Variants in LSAMP observed in about 807,000 individuals in gnomAD.
LSAMP encodes the protein limbic system associated membrane protein, also known as limbic system-associated membrane protein.
In LSAMP, 7 loss-of-function variants were observed where a neutral mutation model predicts 38.6. That is an observed-to-expected ratio of 0.18 (90% confidence interval 0.10 to 0.34). The LOEUF is 0.34. Among genes scored for constraint, LSAMP ranks in the 10% least tolerant of loss-of-function variants. The pLI, the probability that LSAMP is intolerant of heterozygous loss-of-function variation, is 1.00. For missense variants in LSAMP, 313 were observed against 420.0 expected, an observed-to-expected ratio of 0.75 and a Z score of 2.23; for synonymous variants, 154 against 166.8, an observed-to-expected ratio of 0.92 and a Z score of 0.59.
chr3:116,328,872 T>G (rs2047811875), intron 1 of LSAMP, among the ~76,000 whole-genome samples: 1 of 152,158 alleles, frequency 6.6e-6, no homozygotes, highest in African/African-American at 2.4e-5. Flanking sequence ...GTATTCTTAT[T>G]TAAAATTAAA....
intron 1 of LSAMP, among the ~76,000 whole-genome samples, chr3:116,160,431 G>A (rs1161908738): frequency 1.4e-5 from 2 of 147,064 alleles, no homozygotes; most frequent in African/African-American, 2.5e-5. Flanking sequence ...AGGGAGGGAG[G>A]GAGAAAGGAA....
intron 3 of LSAMP, among the ~76,000 whole-genome samples, chr3:115,916,645 C>G (rs945933682): frequency 1.3e-5 from 2 of 152,044 alleles, no homozygotes; most frequent in African/African-American, 4.8e-5. Context: ...GTATTGTAGC[C>G]TATAGGAACT....
At chr3:116,163,133 G>T (rs1709939747) in intron 1 of LSAMP, among the ~76,000 whole-genome samples, 1 of 151,272 alleles carries the variant, frequency 6.6e-6, no homozygotes, top group South Asian at 2.1e-4. Context: ...GTGCAGGTTT[G>T]TTACATATGT....
chr3:116,209,898 C>T (rs2046131705), intron 1 of LSAMP, among the ~76,000 whole-genome samples: 2 of 152,026 alleles, frequency 1.3e-5, no homozygotes, highest in South Asian at 4.1e-4. Flanking sequence ...CTACAGGCAT[C>T]CGCCACCTCG....
chr3:116,181,794 G>A (rs1210141001), intron 1 of LSAMP, among the ~76,000 whole-genome samples: 1 of 151,848 alleles, frequency 6.6e-6, no homozygotes, highest in African/African-American at 2.4e-5. Context: ...CCAATCAGAT[G>A]TCTACGCATC....
At position 116,434,622 on chromosome 3, in the gene LSAMP, C is replaced by T. The variant is rs910175282; in HGVS notation, c.155+10255G>A. ...AGACTGGAGTGCAGTGGCGCGATCTCGGCTCACTGAAACTCTGCCTCCCAG... is the reference window on the plus strand; with the variant it reads ...AGACTGGAGTGCAGTGGCGCGATCTTGGCTCACTGAAACTCTGCCTCCCAG... On this transcript the variant is annotated intron_variant, in intron 1 of 6. Transcript: ENST00000490035. Among the ~76,000 whole-genome samples the T allele has an allele frequency of 7.9e-5, 12 of 152,216 alleles. 1 individual carries two copies. In the East Asian group the frequency reaches 9.7e-4, roughly 12 times the overall value.
At chr3:116,273,464 G>A (rs1048132336) in intron 1 of LSAMP, among the ~76,000 whole-genome samples, 1 of 141,812 alleles carries the variant, frequency 7.1e-6, no homozygotes, top group African/African-American at 2.5e-5. Flanking sequence ...ATACTTCTGG[G>A]TTTGTAGTCT....
At position 116,445,202 on chromosome 3, in the gene LSAMP, T is replaced by G. The variant is rs2049495208; in HGVS notation, c.-171A>C. 1.6e-6 allele frequency: 1 copy of G among 630,490 alleles called. No homozygotes were observed. Among genetic ancestry groups the G allele is most frequent in the South Asian group, 1.9e-5 (1 of 51,970 alleles). The allele number at this position is 630,490 out of a possible 1,614,324, so 39.1% of individuals were successfully genotyped here. ...TCTCTTTCCCTCGCTCAGTCTCTTTTCCCTCTAAGACTTAACAAAGCCCTC... is the reference window on the plus strand; with the variant it reads ...TCTCTTTCCCTCGCTCAGTCTCTTTGCCCTCTAAGACTTAACAAAGCCCTC... On this transcript the variant is annotated 5_prime_UTR_variant, in exon 1 of 7. Coordinates refer to ENST00000490035, the MANE Select transcript of LSAMP (RefSeq NM_002338.5).
At chr3:116,089,335 T>C (rs1351412734) in intron 1 of LSAMP, among the ~76,000 whole-genome samples, 1 of 152,206 alleles carries the variant, frequency 6.6e-6, no homozygotes, top group Non-Finnish European at 1.5e-5. Flanking sequence ...GAATAGTATA[T>C]TAGAATACAC....
intron 1 of LSAMP, among the ~76,000 whole-genome samples, chr3:116,125,339 GTTA>G (rs994776110): frequency 3.5e-4 from 52 of 149,780 alleles, no homozygotes; most frequent in African/African-American, 1.1e-3. Context: ...CCCTTGCATA[GTTA>G]TTATTATTCA....
chr3:116,060,222 A>C (rs1941569530), intron 2 of LSAMP, among the ~76,000 whole-genome samples: 1 of 137,776 alleles, frequency 7.3e-6, no homozygotes, highest in African/African-American at 3.2e-5. Context: ...TACTAGCAGC[A>C]TTGTAAAGGT....
At chr3:116,140,723 C>A (rs192507880) in intron 1 of LSAMP, among the ~76,000 whole-genome samples, 2 of 152,066 alleles carry the variant, frequency 1.3e-5, no homozygotes, top group Non-Finnish European at 1.5e-5. Context: ...ATTCACGAAG[C>A]TTTATCCACA....
chr3:116,163,065 C>CT lies in LSAMP; in HGVS notation c.156-76510dup, dbSNP rs1383881468. Reference sequence around the variant, plus strand: ...AAATAATTTTAAAAATGAAGAAGATCTTTTTTTTTAAATTTTATTATTATT... The same window carrying CT: ...AAATAATTTTAAAAATGAAGAAGATCTTTTTTTTTTAAATTTTATTATTATT... On this transcript the variant is annotated intron_variant, in intron 1 of 6. Transcript: ENST00000490035. 1.9e-3 allele frequency among the ~76,000 whole-genome samples: 289 copies of CT among 150,934 alleles called. 1 individual carries two copies. The highest frequency in any genetic ancestry group is 6.3e-3 in the African/African-American group (259 of 41,160).
intron 1 of LSAMP, among the ~76,000 whole-genome samples, chr3:116,336,964 A>G (rs376894214): frequency 2.0e-5 from 3 of 151,540 alleles, no homozygotes; most frequent in South Asian, 2.1e-4. Flanking sequence ...ACATATATAT[A>G]TGTGTGTGTG....
chr3:116,131,121 A>G (rs557595758), intron 1 of LSAMP, among the ~76,000 whole-genome samples: 79 of 151,424 alleles, frequency 5.2e-4, no homozygotes, highest in African/African-American at 1.9e-3. Flanking sequence ...CTCCCAAGTA[A>G]CTGGGACTAC....
At chr3:116,315,457 A>G (rs933016995) in intron 1 of LSAMP, among the ~76,000 whole-genome samples, 2 of 151,452 alleles carry the variant, frequency 1.3e-5, no homozygotes, top group Non-Finnish European at 2.9e-5. Context: ...AGTTAAATGG[A>G]AAAAAAAAGC....
intron 2 of LSAMP, among the ~76,000 whole-genome samples, chr3:116,083,023 T>C (rs529955022): frequency 6.6e-6 from 1 of 152,080 alleles, no homozygotes; most frequent in Non-Finnish European, 1.5e-5. Context: ...CCTAAAATAA[T>C]TTTTTTAAAA....
At chr3:115,880,323 T>A (rs1025960919) in intron 3 of LSAMP, among the ~76,000 whole-genome samples, 1 of 152,192 alleles carries the variant, frequency 6.6e-6, no homozygotes, top group Non-Finnish European at 1.5e-5. Flanking sequence ...AACTCCTTCT[T>A]AAGAGTTGCC....
At chr3:116,143,731 A>G (rs935484050) in intron 1 of LSAMP, among the ~76,000 whole-genome samples, 1 of 151,908 alleles carries the variant, frequency 6.6e-6, no homozygotes, top group Non-Finnish European at 1.5e-5. Context: ...TCAAAAAAGT[A>G]GCTTCTGAAT....
Sources: allele counts gnomAD v4.1 joint callset (sites outside exome capture counted in the v4.1 genomes callset), GRCh38; gene constraint gnomAD v4.1.1; transcripts MANE v1.5; gene names NCBI Gene and HGNC (gene_info 2026-07-23, HGNC 2026-07-21).